SLC35D3: variants seen among roughly 807,000 people sequenced by gnomAD.
SLC35D3 encodes frc, fringe-like 1.
Under a neutral mutation model 20.3 loss-of-function variants are expected in SLC35D3, and 18 were observed. The observed-to-expected ratio is 0.89, with a 90% CI of 0.61 to 1.32. SLC35D3 has a LOEUF of 1.32. Ranked by LOEUF, SLC35D3 falls within the 40% of genes most tolerant of loss-of-function variation. The pLI is 0.00. For synonymous variants in SLC35D3, 313 were observed against 263.5 expected (o/e 1.19, Z -1.82); for missense variants, 556 against 565.5 (o/e 0.98, Z 0.17).
Position 136,923,795 on chromosome 6 carries a change from T to C in SLC35D3, c.440-90T>C, listed in dbSNP as rs1253906858. 1.5e-6 allele frequency: 2 copies of C among 1,307,086 alleles called. No individual in the cohort carries two copies. The highest frequency in any genetic ancestry group is 1.5e-5 in the African/African-American group (1 of 67,184). The allele number at this position is 1,307,086 out of a possible 1,614,324, so 81.0% of individuals were successfully genotyped here. A position where few individuals can be genotyped will look rare whatever the true frequency, so the allele number is the denominator to read the frequency against. Reference sequence around the variant, plus strand: ...CAGTCTCCTTTCCTACCCGACGCGTTTTCCCCGTGGGTCCCCGCCCACGCC... The same window carrying C: ...CAGTCTCCTTTCCTACCCGACGCGTCTTCCCCGTGGGTCCCCGCCCACGCC... On this transcript the variant is annotated intron_variant, in intron 1 of 1. Transcript: ENST00000331858. This position sits in a 1 kb window ranked among gnomAD's most constrained non-coding sequence, Gnocchi z 6.2.
rs1251742743 is a variant in SLC35D3 at position 136,923,821 on chromosome 6, A to G, written c.440-64A>G. ...TTCCCCGTGGGTCCCCGCCCACGCC[A>G]ACCTGCTGTCTTCTCTCTTTTTCCT... On this transcript the variant is annotated intron_variant, in intron 1 of 1. Coordinates refer to ENST00000331858, the MANE Select transcript of SLC35D3 (RefSeq NM_001008783.3). The surrounding 1 kb of genome is among the most constrained non-coding windows in gnomAD (Gnocchi z 6.2). 7.0e-7 allele frequency: 1 copy of G among 1,429,144 alleles called. No homozygotes were observed. The allele number at this position is 1,429,144 out of a possible 1,614,324, so 88.5% of individuals were successfully genotyped here.
In SLC35D3 at chr6:136,925,390, T is replaced by G. The variant is rs141181907; in HGVS notation, c.*694T>G. ...TGTTTTGGTTCATTGCTTTATAATA[T>G]TTATTATTGAATGCCAAACCTGTTC... On this transcript the variant is annotated 3_prime_UTR_variant, in exon 2 of 2. Transcript: ENST00000331858. 3.2e-4 allele frequency: 49 copies of G among 152,760 alleles called. No individual in the cohort carries two copies. The highest frequency in any genetic ancestry group is 6.6e-4 in the Non-Finnish European group (45 of 68,040). 9.5% of individuals were successfully genotyped at this position (152,760 alleles called of 1,614,324 possible).
chr6:136,923,008 T>G lies in SLC35D3; in HGVS notation c.439+141T>G. ...AGAGAGAGCCGGAGAGCTTTGAGAGTGGTCGCTCAGCTCGCAAAAGGGACT... is the reference window on the plus strand; with the variant it reads ...AGAGAGAGCCGGAGAGCTTTGAGAGGGGTCGCTCAGCTCGCAAAAGGGACT... On this transcript the variant is annotated intron_variant, in intron 1 of 1. Transcript: ENST00000331858. The surrounding 1 kb of genome is among the most constrained non-coding windows in gnomAD (Gnocchi z 6.2). 1.0e-6 allele frequency: 1 copy of G among 999,496 alleles called. No individual in the cohort carries two copies. The highest frequency in any genetic ancestry group is 1.7e-5 in the South Asian group (1 of 57,284). The allele number at this position is 999,496 out of a possible 1,614,324, so 61.9% of individuals were successfully genotyped here. A position where few individuals can be genotyped will look rare whatever the true frequency, so the allele number is the denominator to read the frequency against.
Position 136,924,511 on chromosome 6 carries a change from G to C in SLC35D3, c.1066G>C (p.Ala356Pro). 6.2e-7 allele frequency: 1 copy of C among 1,613,330 alleles called. No individual in the cohort carries two copies. Among genetic ancestry groups the C allele is most frequent in the Non-Finnish European group, 8.5e-7 (1 of 1,179,878 alleles). Reference protein sequence around the residue: ...SEGGEAAGGPAQESRQEVRGS... With the variant: ...SEGGEAAGGPPQESRQEVRGS... Reference sequence around the variant, plus strand: ...AGGTGGGGAGGCAGCAGGTGGCCCCGCTCAGGAGAGCAGGCAAGAGGTCAG... The same window carrying C: ...AGGTGGGGAGGCAGCAGGTGGCCCCCCTCAGGAGAGCAGGCAAGAGGTCAG... The change falls in exon 2 of 2, where the codon GCT becomes CCT. Residue 356 changes from alanine to proline, a missense_variant. Ala to Pro is a conservative substitution (Grantham distance 27). Coordinates refer to ENST00000331858, the MANE Select transcript of SLC35D3 (RefSeq NM_001008783.3).
rs62420739 is a variant in SLC35D3 at position 136,924,717 on chromosome 6, C to A, written c.*21C>A. 2 of 1,575,316 alleles carry A rather than the reference C, an allele frequency of 1.3e-6. No individual in the cohort carries two copies. The highest frequency in any genetic ancestry group is 1.1e-5 in the South Asian group (1 of 87,238). On this transcript the variant is annotated 3_prime_UTR_variant, in exon 2 of 2. Coordinates refer to ENST00000331858, the MANE Select transcript of SLC35D3 (RefSeq NM_001008783.3). The stretch of plus-strand genomic sequence containing the variant: ...CTTGAGAAGGAGGTGCATGTACGTA[C>A]CTATGTGCATACACTTATTTTATAT...
chr6:136,923,893 G>T lies in SLC35D3; in HGVS notation c.448G>T (p.Asp150Tyr). The T allele has an allele frequency of 4.6e-6, 7 of 1,511,702 alleles. No homozygotes were observed. Among genetic ancestry groups the T allele is most frequent in the Non-Finnish European group, 5.3e-6 (6 of 1,128,412 alleles). The allele number at this position is 1,511,702 out of a possible 1,614,324, so 93.6% of individuals were successfully genotyped here. A position where few individuals can be genotyped will look rare whatever the true frequency, so the allele number is the denominator to read the frequency against. The change falls in exon 2 of 2, where the codon GAC becomes TAC. Residue 150 changes from aspartate (D) to tyrosine (Y), a missense_variant. Coordinates refer to ENST00000331858, the MANE Select transcript of SLC35D3 (RefSeq NM_001008783.3). The surrounding 1 kb of genome is among the most constrained non-coding windows in gnomAD (Gnocchi z 6.2). ...TCGAALAGAGDLTGDPIGYVT... is the reference protein window; with the variant it reads ...TCGAALAGAGYLTGDPIGYVT... ...CTCCTCGTGCGCCGCAGGAGCCGGC[G>T]ACCTGACGGGCGACCCCATCGGGTA... is the stretch of plus-strand genomic sequence containing the variant.
In SLC35D3 at chr6:136,924,032, C is replaced by G. The variant is rs1301827103; in HGVS notation, c.587C>G (p.Ser196Cys). ...ACCGCGCAGTACGTCATCGCCGTCT[C>G]TGCCACCCCGCTGCTGGTCATCTGC... Reference protein sequence around the residue: ...PLTAQYVIAVSATPLLVICSF... With the variant: ...PLTAQYVIAVCATPLLVICSF... The change falls in exon 2 of 2, where the codon TCT becomes TGT. Residue 196 changes from serine (S) to cysteine (C), a missense_variant. Transcript: ENST00000331858. The G allele has an allele frequency of 6.2e-7, 1 of 1,605,596 alleles. No homozygotes were observed. Among genetic ancestry groups the G allele is most frequent in the South Asian group, 1.1e-5 (1 of 90,126 alleles).
At position 136,925,376 on chromosome 6, in the gene SLC35D3, A is replaced by C. The variant is rs1776119277; in HGVS notation, c.*680A>C. 1 of 152,596 alleles carries C rather than the reference A, an allele frequency of 6.6e-6. No individual in the cohort carries two copies. Among genetic ancestry groups the C allele is most frequent in the African/African-American group, 2.4e-5 (1 of 41,450 alleles). The allele number at this position is 152,596 out of a possible 1,614,324, so 9.5% of individuals were successfully genotyped here. A position where few individuals can be genotyped will look rare whatever the true frequency, so the allele number is the denominator to read the frequency against. ...ATTATTTTAAAAGTTGTTTTGGTTCATTGCTTTATAATATTTATTATTGAA... is the reference window on the plus strand; with the variant it reads ...ATTATTTTAAAAGTTGTTTTGGTTCCTTGCTTTATAATATTTATTATTGAA... On this transcript the variant is annotated 3_prime_UTR_variant, in exon 2 of 2. Coordinates refer to ENST00000331858, the MANE Select transcript of SLC35D3 (RefSeq NM_001008783.3).
rs746577859 is a variant in SLC35D3 at position 136,924,078 on chromosome 6, C to T, written c.633C>T (p.Ser211=). 1 of 1,611,972 alleles carries T rather than the reference C, an allele frequency of 6.2e-7. No individual in the cohort carries two copies. Among genetic ancestry groups the T allele is most frequent in the Non-Finnish European group, 8.5e-7 (1 of 1,179,656 alleles). Residue 211 remains serine (S), a synonymous_variant, in exon 2 of 2, where the codon TCC becomes TCT. Transcript: ENST00000331858. The part of the protein sequence containing the change: ...LVICSFASTD[S]IHAWTFPGWK... ...TCTGCTCCTTCGCCAGCACCGACTCCATCCACGCCTGGACCTTCCCGGGCT... is the reference window on the plus strand; with the variant it reads ...TCTGCTCCTTCGCCAGCACCGACTCTATCCACGCCTGGACCTTCCCGGGCT...
Position 136,923,120 on chromosome 6 carries a change from C to G in SLC35D3, c.439+253C>G, listed in dbSNP as rs1228765695. ...TTCCGACCCTCGCCCATGCTTCACC[C>G]GGCATCGCCCTTCCTGTCGCCCCCT... On this transcript the variant is annotated intron_variant, in intron 1 of 1. Coordinates refer to ENST00000331858, the MANE Select transcript of SLC35D3 (RefSeq NM_001008783.3). The surrounding 1 kb of genome is among the most constrained non-coding windows in gnomAD (Gnocchi z 6.2). Among the ~76,000 whole-genome samples, 2 of 152,194 alleles carry G rather than the reference C, an allele frequency of 1.3e-5. No homozygotes were observed. Among genetic ancestry groups the G allele is most frequent in the Non-Finnish European group, 2.9e-5 (2 of 68,018 alleles).
At position 136,924,400 on chromosome 6, in the gene SLC35D3, C is replaced by G. The variant is rs780449952; in HGVS notation, c.955C>G (p.Arg319Gly). The G allele has an allele frequency of 6.2e-7, 1 of 1,613,872 alleles. No homozygotes were observed. Among genetic ancestry groups the G allele is most frequent in the Admixed American group, 1.7e-5 (1 of 60,004 alleles). The change falls in exon 2 of 2, where the codon CGG (arginine) becomes GGG (glycine). Residue 319 changes from arginine to glycine, a missense_variant. Physicochemically the swap from Arg to Gly is moderately radical, Grantham distance 125 (BLOSUM62 -2). Coordinates refer to ENST00000331858, the MANE Select transcript of SLC35D3 (RefSeq NM_001008783.3). ...SNYEDLEAQP[R>G]GEEAQLSGDQ... ...CTACGAGGACCTGGAGGCCCAGCCT[C>G]GGGGAGAGGAGGCGCAGCTAAGTGG... is the stretch of plus-strand genomic sequence containing the variant.
rs555787384 is a variant in SLC35D3, at chr6:136,924,327, T to C, written c.882T>C (p.Ser294=). The C allele has an allele frequency of 5.0e-6, 8 of 1,614,162 alleles. No homozygotes were observed. The African/African-American group carries it at 1.1e-4, about 22-fold the overall frequency. ...GCGTGGTGGTGAACACCCTGGGCTC[T>C]ATCATTTACTGTGTGGCCAAGTTCA... The part of the protein sequence containing the change: ...IAGVVVNTLG[S]IIYCVAKFME... The change falls in exon 2 of 2, where the codon TCT becomes TCC. Residue 294 remains serine (S), a synonymous_variant. Transcript: ENST00000331858.
chr6:136,923,273 G>A lies in SLC35D3; in HGVS notation c.439+406G>A, dbSNP rs911496208. ...GGCCGTGAACTTCCTTGGGTCACGA[G>A]GGGCTGGAATGGAGGTGGGGGATGG... is the stretch of plus-strand genomic sequence containing the variant. On this transcript the variant is annotated intron_variant, in intron 1 of 1. Coordinates refer to ENST00000331858, the MANE Select transcript of SLC35D3 (RefSeq NM_001008783.3). The surrounding 1 kb of genome is among the most constrained non-coding windows in gnomAD (Gnocchi z 6.2). 4.6e-5 allele frequency among the ~76,000 whole-genome samples: 7 copies of A among 152,222 alleles called. No individual in the cohort carries two copies. In the South Asian group the frequency reaches 1.4e-3, roughly 31 times the overall value.
chr6:136,923,810 C>G lies in SLC35D3; in HGVS notation c.440-75C>G, dbSNP rs1417410608. On this transcript the variant is annotated intron_variant, in intron 1 of 1. Transcript: ENST00000331858. This position sits in a 1 kb window ranked among gnomAD's most constrained non-coding sequence, Gnocchi z 6.2. The stretch of plus-strand genomic sequence containing the variant: ...CCCGACGCGTTTTCCCCGTGGGTCC[C>G]CGCCCACGCCAACCTGCTGTCTTCT... The G allele has an allele frequency of 1.4e-6, 2 of 1,391,886 alleles. No individual in the cohort carries two copies. The highest frequency in any genetic ancestry group is 1.9e-6 in the Non-Finnish European group (2 of 1,054,666). 86.2% of individuals were successfully genotyped at this position (1,391,886 alleles called of 1,614,324 possible).
rs1344855453 is a variant in SLC35D3 at position 136,923,679 on chromosome 6, TGA to T, written c.440-204_440-203del. Among the ~76,000 whole-genome samples, 2 of 152,130 alleles carry T rather than the reference TGA, an allele frequency of 1.3e-5. No individual in the cohort carries two copies. The highest frequency in any genetic ancestry group is 4.1e-4 in the South Asian group (2 of 4,832). ...TATGGCGGGAAGGCGCTCTGAGCAC[TGA>T]GTTTGGCTGTCGCATTTGACACGGG... is the stretch of plus-strand genomic sequence containing the variant. On this transcript the variant is annotated intron_variant, in intron 1 of 1. Transcript: ENST00000331858. The surrounding 1 kb of genome is among the most constrained non-coding windows in gnomAD (Gnocchi z 6.2).
At position 136,922,356 on chromosome 6, in the gene SLC35D3, A is replaced by G; in HGVS notation, c.-73A>G. Reference sequence around the variant, plus strand: ...CTGGGCGGGCGCCCCCGCCGCCCTCACTCCGCTGCTCCCGGCTCCTCGCGC... The same window carrying G: ...CTGGGCGGGCGCCCCCGCCGCCCTCGCTCCGCTGCTCCCGGCTCCTCGCGC... On this transcript the variant is annotated 5_prime_UTR_variant, in exon 1 of 2. Coordinates refer to ENST00000331858, the MANE Select transcript of SLC35D3 (RefSeq NM_001008783.3). This position sits in a 1 kb window ranked among gnomAD's most constrained non-coding sequence, Gnocchi z 6.8. 1 of 1,259,512 alleles carries G rather than the reference A, an allele frequency of 7.9e-7. No homozygotes were observed. Among genetic ancestry groups the G allele is most frequent in the Middle Eastern group, 2.8e-4 (1 of 3,550 alleles). The allele number at this position is 1,259,512 out of a possible 1,614,324, so 78.0% of individuals were successfully genotyped here. A position where few individuals can be genotyped will look rare whatever the true frequency, so the allele number is the denominator to read the frequency against.
At position 136,924,394 on chromosome 6, in the gene SLC35D3, C is replaced by T; in HGVS notation, c.949C>T (p.Gln317Ter). 6.2e-7 allele frequency: 1 copy of T among 1,614,066 alleles called. No homozygotes were observed. The highest frequency in any genetic ancestry group is 8.5e-7 in the Non-Finnish European group (1 of 1,180,014). The change falls in exon 2 of 2, where the codon CAG becomes TAG. Residue 317 changes from glutamine (Q) to a stop codon, truncating the protein, a stop_gained. Coordinates refer to ENST00000331858, the MANE Select transcript of SLC35D3 (RefSeq NM_001008783.3). LOFTEE classifies it high-confidence loss of function. The stretch of plus-strand genomic sequence containing the variant: ...AAGCAACTACGAGGACCTGGAGGCC[C>T]AGCCTCGGGGAGAGGAGGCGCAGCT... ...KQSNYEDLEA[Q>*]PRGEEAQLSG...
At position 136,924,042 on chromosome 6, in the gene SLC35D3, G is replaced by A. The variant is rs375054369; in HGVS notation, c.597G>A (p.Pro199=). ...AQYVIAVSAT[P]LLVICSFAST... Reference sequence around the variant, plus strand: ...ACGTCATCGCCGTCTCTGCCACCCCGCTGCTGGTCATCTGCTCCTTCGCCA... The same window carrying A: ...ACGTCATCGCCGTCTCTGCCACCCCACTGCTGGTCATCTGCTCCTTCGCCA... Residue 199 remains proline (P), a synonymous_variant, in exon 2 of 2, where the codon CCG becomes CCA. Transcript: ENST00000331858. 7.5e-5 allele frequency: 121 copies of A among 1,607,480 alleles called. No individual in the cohort carries two copies. In the East Asian group the frequency reaches 2.6e-3, roughly 34 times the overall value.
chr6:136,923,849 C>T lies in SLC35D3; in HGVS notation c.440-36C>T. ...CTGCTGTCTTCTCTCTTTTTCCTTC[C>T]CGCCCGGGCTCGGCCGTCCTCCTCG... On this transcript the variant is annotated intron_variant, in intron 1 of 1. Transcript: ENST00000331858. The surrounding 1 kb of genome is among the most constrained non-coding windows in gnomAD (Gnocchi z 6.2). 1 of 1,469,914 alleles carries T rather than the reference C, an allele frequency of 6.8e-7. No individual in the cohort carries two copies. The highest frequency in any genetic ancestry group is 9.0e-7 in the Non-Finnish European group (1 of 1,110,934). The allele number at this position is 1,469,914 out of a possible 1,614,324, so 91.1% of individuals were successfully genotyped here.
Sources: allele counts gnomAD v4.1 joint callset (sites outside exome capture counted in the v4.1 genomes callset), GRCh38; gene constraint gnomAD v4.1.1; non-coding constraint Gnocchi (gnomAD v3.1); transcripts MANE v1.5; gene names NCBI Gene and HGNC (gene_info 2026-07-23, HGNC 2026-07-21).